MUSK: variants seen among roughly 807,000 people sequenced by gnomAD.
MUSK encodes muscle, skeletal receptor tyrosine-protein kinase.
A neutral mutation model predicts 88.7 loss-of-function variants in MUSK; 55 were observed. The observed-to-expected ratio is 0.62, with a 90% CI of 0.50 to 0.78. The LOEUF (loss-of-function observed/expected upper bound fraction) is 0.78. Ranked by LOEUF, MUSK falls within the 30% of genes least tolerant of loss-of-function variation. The pLI is 0.00. For synonymous variants in MUSK, 387 were observed against 391.9 expected (o/e 0.99, Z 0.15); for missense variants, 1,015 against 1,074.3 (o/e 0.94, Z 0.77).
intron 5 of MUSK, chr9:110,706,300 GC>G (rs1192330657): frequency 3.3e-6 from 1 of 305,146 alleles, no homozygotes; most frequent in Non-Finnish European, 6.5e-6. Context: ...GTGAGATGAT[GC>G]CACCTAGCCT....
intron 14 of MUSK, among the ~76,000 whole-genome samples, chr9:110,790,671 G>C (rs1455963787): frequency 2.0e-5 from 3 of 152,154 alleles, no homozygotes; most frequent in African/African-American, 4.8e-5. Context: ...TCTCATCTGA[G>C]GGTGAGGAAT....
intron 5 of MUSK, among the ~76,000 whole-genome samples, chr9:110,706,372 A>T (rs1156965993): frequency 6.6e-6 from 1 of 152,124 alleles, no homozygotes; most frequent in Admixed American, 6.6e-5. Context: ...ATAGAGACTA[A>T]GTGGCTTTTC....
chr9:110,800,561 C>T lies in MUSK; in HGVS notation c.2183C>T (p.Thr728Ile). 1.9e-6 allele frequency: 3 copies of T among 1,613,926 alleles called. No homozygotes were observed. The highest frequency in any genetic ancestry group is 2.5e-6 in the Non-Finnish European group (3 of 1,179,874). ...AAGTTTGTTCACCGAGATTTAGCCA[C>T]CAGGAACTGCCTGGTGGGCGAGAAC... is the stretch of plus-strand genomic sequence containing the variant. ...ERKFVHRDLA[T>I]RNCLVGENMV... The change falls in exon 15 of 15, where the codon ACC (threonine) becomes ATC (isoleucine). Residue 728 changes from threonine (T) to isoleucine (I), a missense_variant. Coordinates refer to ENST00000374448, the MANE Select transcript of MUSK (RefSeq NM_005592.4).
intron 3 of MUSK, among the ~76,000 whole-genome samples, chr9:110,690,816 G>A (rs2076342993): frequency 9.2e-6 from 1 of 109,196 alleles, no homozygotes; most frequent in Non-Finnish European, 1.7e-5. Context: ...TTAAATATAA[G>A]TATATATATA....
intron 7 of MUSK, among the ~76,000 whole-genome samples, chr9:110,760,225 A>G (rs1403126581): frequency 6.6e-6 from 1 of 152,110 alleles, no homozygotes; most frequent in African/African-American, 2.4e-5. Context: ...TATTCAAAGG[A>G]ATATAAATCA....
chr9:110,717,340 A>T (rs1187403113), intron 5 of MUSK, among the ~76,000 whole-genome samples: 3 of 149,852 alleles, frequency 2.0e-5, no homozygotes, highest in Admixed American at 2.0e-4. Context: ...ATATGATGCT[A>T]TAATTCTAAC....
chr9:110,684,564 T>A (rs115889292), intron 2 of MUSK, among the ~76,000 whole-genome samples: 3,450 of 152,108 alleles, frequency 0.023, 130 homozygotes, highest in African/African-American at 0.079. Flanking sequence ...TAGACTGCTT[T>A]TGGTAGTATG....
At chr9:110,787,209 A>C (rs1291008621) in intron 13 of MUSK, among the ~76,000 whole-genome samples, 1 of 151,996 alleles carries the variant, frequency 6.6e-6, no homozygotes. Context: ...AAAAATACAA[A>C]AAATTAGCCA....
At chr9:110,696,340 A>T (rs2076430125) in intron 4 of MUSK, among the ~76,000 whole-genome samples, 1 of 151,948 alleles carries the variant, frequency 6.6e-6, no homozygotes, top group Non-Finnish European at 1.5e-5. Context: ...TTATCCCCAC[A>T]TTTATTGATA....
In MUSK at chr9:110,790,677, G is replaced by A. The variant is rs576305935; in HGVS notation, c.1927+2839G>A. On this transcript the variant is annotated intron_variant, in intron 14 of 14. Coordinates refer to ENST00000374448, the MANE Select transcript of MUSK (RefSeq NM_005592.4). The stretch of plus-strand genomic sequence containing the variant: ...GAATCAAGATCTCATCTGAGGGTGA[G>A]GAATGGGAGAAGAGTTGAAGATTTG... Among the ~76,000 whole-genome samples the A allele has an allele frequency of 2.0e-5, 3 of 152,232 alleles. No individual in the cohort carries two copies. The South Asian group carries it at 6.2e-4, about 32-fold the overall frequency.
chr9:110,708,653 G>A (rs191530546), intron 5 of MUSK, among the ~76,000 whole-genome samples: 9 of 152,194 alleles, frequency 5.9e-5, no homozygotes, highest in Middle Eastern at 3.4e-3. Context: ...ATTATGGTAT[G>A]GTTTCATCTA....
chr9:110,769,741 C>A (rs1474528003), intron 9 of MUSK, among the ~76,000 whole-genome samples: 1 of 152,092 alleles, frequency 6.6e-6, no homozygotes, highest in Non-Finnish European at 1.5e-5. Context: ...CAGAATGTAA[C>A]CAGCAAAATA....
chr9:110,684,582 T>C (rs1161370001), intron 2 of MUSK, among the ~76,000 whole-genome samples: 1 of 152,094 alleles, frequency 6.6e-6, no homozygotes, highest in Non-Finnish European at 1.5e-5. Context: ...ATGAACATTT[T>C]AATAATATTG....
intron 5 of MUSK, among the ~76,000 whole-genome samples, chr9:110,724,323 A>G (rs973834881): frequency 1.1e-4 from 16 of 152,074 alleles, no homozygotes; most frequent in Admixed American, 9.8e-4. Context: ...TGAAATTATG[A>G]TTTGCCACTG....
At chr9:110,761,567 CTTTTTTTTT>C (rs1168716499) in intron 7 of MUSK, among the ~76,000 whole-genome samples, 17 of 52,736 alleles carry the variant, frequency 3.2e-4, no homozygotes, top group East Asian at 2.5e-3. Flanking sequence ...CCACATCTTG[CTTTTTTTTT>C]TTTTTTTTTT....
intron 5 of MUSK, among the ~76,000 whole-genome samples, chr9:110,703,343 C>A (rs1306287657): frequency 6.6e-6 from 1 of 152,026 alleles, no homozygotes; most frequent in Non-Finnish European, 1.5e-5. Flanking sequence ...TCAAGACCAG[C>A]CTGGCCAACA....
At chr9:110,702,760 G>A (rs2076547768) in intron 5 of MUSK, among the ~76,000 whole-genome samples, 2 of 152,122 alleles carry the variant, frequency 1.3e-5, no homozygotes, top group Non-Finnish European at 1.5e-5. Context: ...AGGTGTGGTG[G>A]TACATGCCTC....
chr9:110,751,474 T>C (rs772026474), intron 7 of MUSK, among the ~76,000 whole-genome samples: 21 of 151,888 alleles, frequency 1.4e-4, no homozygotes, highest in Non-Finnish European at 2.6e-4. Flanking sequence ...GGGGAAGGGA[T>C]GGTGGGAGCA....
At chr9:110,681,694 C>T (rs148925307) in intron 1 of MUSK, among the ~76,000 whole-genome samples, 353 of 151,946 alleles carry the variant, frequency 2.3e-3, no homozygotes, top group Non-Finnish European at 4.0e-3. Flanking sequence ...TTTTTTTTCA[C>T]TCTCAGCAGA....
Sources: gnomAD v4.1 joint callset for allele counts (sites outside exome capture counted in the v4.1 genomes callset) on GRCh38, gnomAD v4.1.1 for gene constraint, MANE v1.5 for transcripts, NCBI Gene and HGNC (gene_info 2026-07-23, HGNC 2026-07-21) for gene names.